HEATR4: variants seen among roughly 807,000 people sequenced by gnomAD.
HEATR4 encodes HEAT repeat containing 4.
A neutral mutation model predicts 108.8 loss-of-function variants in HEATR4; 95 were observed. The observed-to-expected ratio is 0.87, with a 90% CI of 0.74 to 1.04. The LOEUF is 1.04. Among genes scored for constraint, HEATR4 ranks in the 50% least tolerant of loss-of-function variants. The pLI is 0.00. For synonymous variants in HEATR4, 443 were observed against 459.4 expected, an observed-to-expected ratio of 0.96 and a Z score of 0.46; for missense variants, 1,152 against 1,253.8, an observed-to-expected ratio of 0.92 and a Z score of 1.23.
the HEATR4 span, among the ~76,000 whole-genome samples, chr14:73,624,902 GGCTTT>G: frequency 2.6e-5 from 4 of 151,858 alleles, no homozygotes; most frequent in African/African-American, 9.7e-5. Context: ...TGTTTTATTG[GGCTTT>G]GCTTTATTAA....
chr14:73,587,144 A>C, the HEATR4 span, among the ~76,000 whole-genome samples: 2 of 151,508 alleles, frequency 1.3e-5, no homozygotes, highest in African/African-American at 2.4e-5. Flanking sequence ...AAAAAAAACA[A>C]AAACAAAAAA....
At chr14:73,513,002 A>G (rs910362095) in intron 6 of HEATR4, among the ~76,000 whole-genome samples, 28 of 152,202 alleles carry the variant, frequency 1.8e-4, no homozygotes, top group African/African-American at 6.3e-4. Context: ...CTACTCTCCT[A>G]TCTTTGAAGG....
chr14:73,574,450 G>A, the HEATR4 span: 3 of 257,362 alleles, frequency 1.2e-5, no homozygotes, highest in Non-Finnish European at 2.3e-5. Flanking sequence ...ATTTTTAGTA[G>A]AGATGTTTCA....
the HEATR4 span, chr14:73,569,456 G>A: frequency 5.0e-6 from 8 of 1,613,478 alleles, no homozygotes; most frequent in Admixed American, 5.0e-5. Flanking sequence ...TGGAGCCTGC[G>A]GGCCGCTGCT....
chr14:73,584,261 A>C, the HEATR4 span, among the ~76,000 whole-genome samples: 1 of 151,620 alleles, frequency 6.6e-6, no homozygotes, highest in Admixed American at 6.6e-5. Context: ...GTCTCTTCCA[A>C]GTGAACTTTC....
At chr14:73,586,320 G>A in the HEATR4 span, among the ~76,000 whole-genome samples, 7 of 152,028 alleles carry the variant, frequency 4.6e-5, no homozygotes, top group East Asian at 1.9e-4. Context: ...CTTGAACCCC[G>A]GAGGCAGAGT....
At position 73,486,241 on chromosome 14, in the gene HEATR4, A is replaced by G. The variant is rs1208752415; in HGVS notation, c.2844+6825T>C. 2.0e-5 allele frequency among the ~76,000 whole-genome samples: 3 copies of G among 152,190 alleles called. No homozygotes were observed. The South Asian group carries it at 6.2e-4, about 32-fold the overall frequency. Reference sequence around the variant, plus strand: ...CTAGTAGCACCCCCACTGTTGGACAACCAAAAATATCTCTAGATATTGCTA... The same window carrying G: ...CTAGTAGCACCCCCACTGTTGGACAGCCAAAAATATCTCTAGATATTGCTA... On this transcript the variant is annotated intron_variant, in intron 17 of 17. Transcript: ENST00000553558.
chr14:73,482,439 T>A (rs1363305063), intron 17 of HEATR4, among the ~76,000 whole-genome samples: 2 of 152,110 alleles, frequency 1.3e-5, no homozygotes, highest in Non-Finnish European at 2.9e-5. Flanking sequence ...GGAGAATTAC[T>A]TGAACCCAGA....
intron 1 of HEATR4, among the ~76,000 whole-genome samples, chr14:73,551,286 A>C (rs1889319249): frequency 1.7e-5 from 2 of 115,112 alleles, no homozygotes; most frequent in African/African-American, 5.6e-5. Context: ...ACCCTGTTAC[A>C]GGTAGTTAGA....
At chr14:73,498,757 T>C (rs1886246941) in intron 13 of HEATR4, among the ~76,000 whole-genome samples, 1 of 152,168 alleles carries the variant, frequency 6.6e-6, no homozygotes, top group South Asian at 2.1e-4. Flanking sequence ...CAGAGCGTAA[T>C]AGTTGAGATC....
chr14:73,628,639 C>T, the HEATR4 span, among the ~76,000 whole-genome samples: 1 of 152,022 alleles, frequency 6.6e-6, no homozygotes. Flanking sequence ...TGTAATCCCA[C>T]CTACTTGGGA....
the HEATR4 span, among the ~76,000 whole-genome samples, chr14:73,618,715 T>C: frequency 6.6e-6 from 1 of 152,386 alleles, no homozygotes; most frequent in South Asian, 2.1e-4. Context: ...TGTATACTCC[T>C]GACCCAGTCC....
At chr14:73,540,435 GA>G (rs1339701574) in intron 1 of HEATR4, among the ~76,000 whole-genome samples, 1 of 112,036 alleles carries the variant, frequency 8.9e-6, no homozygotes, top group African/African-American at 3.0e-5. Flanking sequence ...CAAAAGAAAA[GA>G]AAAAAATAAA....
In HEATR4 at chr14:73,520,865, CT is replaced by C. The variant is rs1887931541; in HGVS notation, c.1055del (p.Gln352ArgfsTer26). 6.2e-7 allele frequency: 1 copy of C among 1,613,710 alleles called. No individual in the cohort carries two copies. The highest frequency in any genetic ancestry group is 1.7e-5 in the Admixed American group (1 of 59,932). On this transcript the variant is annotated frameshift_variant, in exon 4 of 18. Coordinates refer to ENST00000553558, the MANE Select transcript of HEATR4 (RefSeq NM_001220484.1). LOFTEE classifies it high-confidence loss of function. ...CAGCTCTATTACCAAAGTAAATCTC[CT>C]GTTCAAAGGTGTTGTCTGTGGAGTA... ...FAYSTDNTFE[Q>X]EIYFDEVQII...
intron 11 of HEATR4, 48 bp downstream of exon 11, chr14:73,502,847 A>T (rs768075421): frequency 2.8e-6 from 4 of 1,447,720 alleles, no homozygotes; most frequent in African/African-American, 1.4e-5. Flanking sequence ...CCTCCTAAAC[A>T]CTTCTAAGAA....
chr14:73,619,698 C>G, the HEATR4 span: 1 of 1,614,146 alleles, frequency 6.2e-7, no homozygotes, highest in South Asian at 1.1e-5. Flanking sequence ...CTTCTGTGCA[C>G]GCTGTTTTGG....
At chr14:73,632,598 C>G in the HEATR4 span, among the ~76,000 whole-genome samples, 1 of 151,248 alleles carries the variant, frequency 6.6e-6, no homozygotes, top group Non-Finnish European at 1.5e-5. Context: ...AATCCCAGCA[C>G]TTTGGGAGGC....
At chr14:73,591,043 G>A in the HEATR4 span, among the ~76,000 whole-genome samples, 1 of 152,112 alleles carries the variant, frequency 6.6e-6, no homozygotes, top group Non-Finnish European at 1.5e-5. Context: ...AGGAGTTCGA[G>A]ACCAGCCTGG....
At chr14:73,536,793 G>T (rs934928678) in intron 1 of HEATR4, among the ~76,000 whole-genome samples, 1 of 114,562 alleles carries the variant, frequency 8.7e-6, no homozygotes, top group African/African-American at 2.9e-5. Context: ...CGATGTGGGA[G>T]TGATGTGGAG....
Sources: allele counts gnomAD v4.1 joint callset (sites outside exome capture counted in the v4.1 genomes callset), GRCh38; gene constraint gnomAD v4.1.1; transcripts MANE v1.5; gene names NCBI Gene and HGNC (gene_info 2026-07-23, HGNC 2026-07-21).